Variants in ZNF423 observed in about 807,000 individuals in gnomAD.
ZNF423 encodes zinc finger protein 423.
Under a neutral mutation model 95.8 loss-of-function variants are expected in ZNF423, and 12 were observed. The observed-to-expected ratio is 0.13, with a 90% CI of 0.08 to 0.20. The LOEUF (loss-of-function observed/expected upper bound fraction) is 0.20. Ranked by LOEUF, ZNF423 falls within the 10% of genes least tolerant of loss-of-function variation. The probability of loss-of-function intolerance (pLI) is 1.00; values close to 1 mark genes in which losing one functional copy is unlikely to be tolerated. For synonymous variants in ZNF423, 749 were observed against 711.9 expected (o/e 1.05, Z -0.83); for missense variants, 1,316 against 1,737.1 (o/e 0.76, Z 4.31).
intron 5 of ZNF423, among the ~76,000 whole-genome samples, chr16:49,539,093 C>G (rs1969158707): frequency 6.6e-6 from 1 of 151,270 alleles, no homozygotes. Context: ...TAGACCATGC[C>G]CTTCAGTGGC....
chr16:49,850,242 G>C (rs1032458168), intron 1 of ZNF423, among the ~76,000 whole-genome samples: 1 of 152,176 alleles, frequency 6.6e-6, no homozygotes, highest in African/African-American at 2.4e-5. Flanking sequence ...AGTAGGCTGA[G>C]GGAGCTGACA....
chr16:49,787,879 G>C (rs1255241604), intron 2 of ZNF423, among the ~76,000 whole-genome samples: 1 of 152,168 alleles, frequency 6.6e-6, no homozygotes, highest in Admixed American at 6.5e-5. Flanking sequence ...CCTACAGTGG[G>C]ATCCTCTCTA....
intron 3 of ZNF423, among the ~76,000 whole-genome samples, chr16:49,695,769 T>A (rs149151387): frequency 2.2e-4 from 34 of 152,208 alleles, no homozygotes; most frequent in African/African-American, 7.7e-4. Flanking sequence ...GCAAAAAGAG[T>A]ACTCGCTCTG....
chr16:49,805,486 G>A (rs940466802), intron 1 of ZNF423, among the ~76,000 whole-genome samples: 1 of 152,200 alleles, frequency 6.6e-6, no homozygotes, highest in Non-Finnish European at 1.5e-5. Context: ...TTGAAGCTGG[G>A]TCTACATGGC....
chr16:49,775,752 C>A (rs1171417278), intron 2 of ZNF423, among the ~76,000 whole-genome samples: 1 of 152,182 alleles, frequency 6.6e-6, no homozygotes, highest in African/African-American at 2.4e-5. Flanking sequence ...CAACTGTGCC[C>A]TTGTGGCCTA....
chr16:49,554,241 C>T (rs1969746851), intron 5 of ZNF423, among the ~76,000 whole-genome samples: 1 of 152,168 alleles, frequency 6.6e-6, no homozygotes, highest in Non-Finnish European at 1.5e-5. Context: ...GACTTCCTCC[C>T]TTCCCCAATC....
chr16:49,553,014 G>C (rs1347446546), intron 5 of ZNF423, among the ~76,000 whole-genome samples: 1 of 152,050 alleles, frequency 6.6e-6, no homozygotes, highest in Non-Finnish European at 1.5e-5. Flanking sequence ...CTGTAAAATG[G>C]GTACAGAAAA....
At chr16:49,510,167 A>C (rs1567432466) in intron 7 of ZNF423, among the ~76,000 whole-genome samples, 1 of 152,194 alleles carries the variant, frequency 6.6e-6, no homozygotes, top group Non-Finnish European at 1.5e-5. Flanking sequence ...TGCCTCCTCC[A>C]TGTGGCCTTC....
intron 2 of ZNF423, among the ~76,000 whole-genome samples, chr16:49,770,098 C>A (rs1276026059): frequency 1.3e-5 from 2 of 152,202 alleles, no homozygotes; most frequent in Admixed American, 1.3e-4. Context: ...AGACTGTGAG[C>A]TCTGAGCACA....
chr16:49,809,231 A>T (rs1450419489), intron 1 of ZNF423, among the ~76,000 whole-genome samples: 1 of 152,250 alleles, frequency 6.6e-6, no homozygotes, highest in East Asian at 1.9e-4. Flanking sequence ...CGGCCCACAC[A>T]TAATGCGAGG....
chr16:49,760,457 C>T (rs1403263803), intron 2 of ZNF423, among the ~76,000 whole-genome samples: 3 of 152,132 alleles, frequency 2.0e-5, no homozygotes, highest in African/African-American at 7.2e-5. Context: ...CCTTACTTGC[C>T]ACGGACCCAT....
intron 2 of ZNF423, among the ~76,000 whole-genome samples, chr16:49,756,751 T>A (rs2033734596): frequency 6.6e-6 from 1 of 151,922 alleles, no homozygotes; most frequent in African/African-American, 2.4e-5. Flanking sequence ...AAGGCACGGG[T>A]CATGGGTGGG....
chr16:49,718,622 A>G (rs1304477957), intron 3 of ZNF423, among the ~76,000 whole-genome samples: 1 of 152,136 alleles, frequency 6.6e-6, no homozygotes, highest in Admixed American at 6.5e-5. Flanking sequence ...TGGCTTCTAA[A>G]CCACAAATGT....
At chr16:49,792,002 C>CA (rs1227429391) in intron 1 of ZNF423, among the ~76,000 whole-genome samples, 2,225 of 70,790 alleles carry the variant, frequency 0.031, 78 homozygotes, top group African/African-American at 0.094. Context: ...GACTCCATCT[C>CA]AAAAAAAAAA....
At chr16:49,661,379 T>C (rs568764600) in intron 3 of ZNF423, among the ~76,000 whole-genome samples, 1 of 152,338 alleles carries the variant, frequency 6.6e-6, no homozygotes, top group East Asian at 1.9e-4. Context: ...GGCATGTGTG[T>C]CTTCCCCACC....
At chr16:49,613,523 T>C (rs1021383182) in intron 5 of ZNF423, among the ~76,000 whole-genome samples, 4 of 152,198 alleles carry the variant, frequency 2.6e-5, no homozygotes, top group African/African-American at 7.2e-5. Context: ...GAGATCCTTC[T>C]CCACAAAAAT....
At chr16:49,797,880 C>T (rs1465244817) in intron 1 of ZNF423, among the ~76,000 whole-genome samples, 1 of 152,072 alleles carries the variant, frequency 6.6e-6, no homozygotes. Context: ...ATATGGGCAT[C>T]TCACCAAAAG....
intron 2 of ZNF423, among the ~76,000 whole-genome samples, chr16:49,765,179 C>T (rs2033907759): frequency 6.6e-6 from 1 of 152,132 alleles, no homozygotes; most frequent in Non-Finnish European, 1.5e-5. Context: ...AATGAGCCTT[C>T]TCTTTTATTA....
rs556085935 is a variant in ZNF423 at position 49,731,073 on chromosome 16, C to A, written c.101-102G>T. On this transcript the variant is annotated intron_variant, in intron 2 of 7. Coordinates refer to ENST00000563137, the MANE Select transcript of ZNF423 (RefSeq NM_001379286.1). ...TATTAAGATACATTTAATTACTCTA[C>A]CTCCCGGGGTCCATTATCCTTGACA... 3.7e-6 allele frequency: 5 copies of A among 1,345,910 alleles called. No homozygotes were observed. The African/African-American group carries it at 5.8e-5, about 16-fold the overall frequency. The allele number at this position is 1,345,910 out of a possible 1,614,324, so 83.4% of individuals were successfully genotyped here. A position where few individuals can be genotyped will look rare whatever the true frequency, so the allele number is the denominator to read the frequency against.
Sources: gnomAD v4.1 joint callset for allele counts (sites outside exome capture counted in the v4.1 genomes callset) on GRCh38, gnomAD v4.1.1 for gene constraint, MANE v1.5 for transcripts, NCBI Gene and HGNC (gene_info 2026-07-23, HGNC 2026-07-21) for gene names.